PREX2: variants seen among roughly 807,000 people sequenced by gnomAD.
PREX2 encodes the protein phosphatidylinositol 3,4,5-trisphosphate-dependent Rac exchanger 2 protein.
PREX2 carries 107 observed loss-of-function variants against 203.2 expected under a neutral mutation model. That is an observed-to-expected ratio of 0.53 (90% confidence interval 0.45 to 0.62). PREX2 has a LOEUF of 0.62. PREX2 is among the 20% of genes least tolerant of loss of function. PREX2 has a pLI of 0.00. For missense variants in PREX2, 1,777 were observed against 1,955.9 expected (o/e 0.91, Z 1.72); for synonymous variants, 672 against 663.6 (o/e 1.01, Z -0.19).
chr8:68,155,193 TTAAAG>T (rs1370836567), intron 34 of PREX2, among the ~76,000 whole-genome samples: 4 of 151,996 alleles, frequency 2.6e-5, no homozygotes, highest in Admixed American at 2.0e-4. Context: ...AGCCTTTAAT[TTAAAG>T]TAATCAGTAT....
In PREX2 at chr8:68,234,256, G is replaced by A. The variant is rs926840045; in HGVS notation, c.*2878G>A. 2 of 152,094 alleles carry A rather than the reference G, an allele frequency of 1.3e-5. No homozygotes were observed. The highest frequency in any genetic ancestry group is 4.8e-5 in the African/African-American group (2 of 41,402). 9.4% of individuals were successfully genotyped at this position (152,094 alleles called of 1,614,324 possible). A position where few individuals can be genotyped will look rare whatever the true frequency, so the allele number is the denominator to read the frequency against. On this transcript the variant is annotated 3_prime_UTR_variant, in exon 40 of 40. Coordinates refer to ENST00000288368, the MANE Select transcript of PREX2 (RefSeq NM_024870.4). ...GGCATTAAATGGCCTTGAGGTTTTA[G>A]GATGTGTTTACCTTAATGCTACATG... is the stretch of plus-strand genomic sequence containing the variant.
intron 30 of PREX2, among the ~76,000 whole-genome samples, chr8:68,121,819 A>T (rs1373608825): frequency 6.6e-6 from 1 of 152,156 alleles, no homozygotes; most frequent in Non-Finnish European, 1.5e-5. Flanking sequence ...GAGGCCAGGG[A>T]TGCTGCTGAA....
rs765525171 is a variant in PREX2, at chr8:68,097,096, C to T, written c.2448C>T (p.His816=). The T allele has an allele frequency of 8.1e-6, 13 of 1,613,910 alleles. No homozygotes were observed. The South Asian group carries it at 1.2e-4, about 15-fold the overall frequency. The change falls in exon 22 of 40, where the codon CAC becomes CAT. Residue 816 remains histidine, a synonymous_variant. Transcript: ENST00000288368. ...TGAGTCTGACAGTGGACAATGTCCA[C>T]CTGGAATATGGTGTCGTGTATGAGT... ...EHVSLTVDNV[H]LEYGVVYEYD... is the part of the protein sequence containing the mutation.
intron 9 of PREX2, among the ~76,000 whole-genome samples, chr8:68,054,590 C>T (rs1330034939): frequency 6.6e-6 from 1 of 152,172 alleles, no homozygotes; most frequent in African/African-American, 2.4e-5. Flanking sequence ...TTCAACAGTT[C>T]GTCATCAGTC....
intron 37 of PREX2, among the ~76,000 whole-genome samples, chr8:68,196,478 CATATAT>C (rs533436022): frequency 6.9e-6 from 1 of 145,078 alleles, no homozygotes; most frequent in African/African-American, 2.5e-5. Flanking sequence ...TATATATGTA[CATATAT>C]ATATATGTAC....
chr8:68,213,654 G>T (rs1258280459), intron 37 of PREX2, among the ~76,000 whole-genome samples: 4 of 152,146 alleles, frequency 2.6e-5, no homozygotes, highest in African/African-American at 4.8e-5. Flanking sequence ...TGAGTGATTT[G>T]GGATCTATTC....
intron 23 of PREX2, among the ~76,000 whole-genome samples, chr8:68,107,906 T>C (rs1810450600): frequency 6.6e-6 from 1 of 152,226 alleles, no homozygotes; most frequent in African/African-American, 2.4e-5. Context: ...ATGCATTTGC[T>C]GCTTATATTG....
intron 26 of PREX2, among the ~76,000 whole-genome samples, chr8:68,118,121 C>T (rs948825345): frequency 6.6e-6 from 1 of 152,000 alleles, no homozygotes; most frequent in Non-Finnish European, 1.5e-5. Flanking sequence ...TTTGGGAGGC[C>T]GAGGTGGGCG....
intron 18 of PREX2, among the ~76,000 whole-genome samples, chr8:68,086,093 G>GCTAT (rs1563537249): frequency 6.6e-6 from 1 of 152,126 alleles, no homozygotes; most frequent in Non-Finnish European, 1.5e-5. Context: ...GTTATTCAAA[G>GCTAT]GAAATGAATA....
intron 35 of PREX2, among the ~76,000 whole-genome samples, chr8:68,173,919 A>G (rs1563574910): frequency 6.6e-6 from 1 of 152,228 alleles, no homozygotes; most frequent in Admixed American, 6.5e-5. Flanking sequence ...AAAAATAAGC[A>G]TACCCCAAAA....
chr8:68,149,632 G>A (rs757096635), intron 34 of PREX2, among the ~76,000 whole-genome samples: 4 of 152,168 alleles, frequency 2.6e-5, no homozygotes, highest in Non-Finnish European at 5.9e-5. Context: ...TTCTCTACAC[G>A]CTCCCCACTG....
intron 1 of PREX2, among the ~76,000 whole-genome samples, chr8:68,013,487 A>G (rs1460805686): frequency 3.3e-5 from 5 of 152,148 alleles, no homozygotes; most frequent in African/African-American, 9.7e-5. Flanking sequence ...CTCCCACCCC[A>G]AAACCTTCTT....
chr8:68,134,227 C>G lies in PREX2; in HGVS notation c.3935C>G (p.Ala1312Gly), dbSNP rs761455338. The change falls in exon 32 of 40, where the codon GCG (alanine) becomes GGG (glycine). Residue 1312 changes from alanine to glycine, a missense_variant. Coordinates refer to ENST00000288368, the MANE Select transcript of PREX2 (RefSeq NM_024870.4). ...AGCAGGAGGTGGCTGGACCAGATAGCGAATGCAGGTGTTCTTTTTCACTTT... is the reference window on the plus strand; with the variant it reads ...AGCAGGAGGTGGCTGGACCAGATAGGGAATGCAGGTGTTCTTTTTCACTTT... ...EASRRWLDQI[A>G]NAGVLFHFQS... 2 of 1,613,978 alleles carry G rather than the reference C, an allele frequency of 1.2e-6. No individual in the cohort carries two copies. Among genetic ancestry groups the G allele is most frequent in the Admixed American group, 1.7e-5 (1 of 59,992 alleles).
At chr8:68,202,253 A>G (rs10099916) in intron 37 of PREX2, among the ~76,000 whole-genome samples, 4,274 of 152,142 alleles carry the variant, frequency 0.028, 211 homozygotes, top group African/African-American at 0.098. Flanking sequence ...ATGAAAGTGG[A>G]GAAGTAATTA....
chr8:68,161,897 T>C (rs1274135972), intron 35 of PREX2, among the ~76,000 whole-genome samples: 2 of 152,146 alleles, frequency 1.3e-5, no homozygotes, highest in Non-Finnish European at 2.9e-5. Context: ...TTTAATTGAC[T>C]CACAGTTCCA....
chr8:68,085,119 C>G (rs1809642542), intron 18 of PREX2, among the ~76,000 whole-genome samples: 1 of 152,152 alleles, frequency 6.6e-6, no homozygotes, highest in South Asian at 2.1e-4. Flanking sequence ...ACTTCACGTC[C>G]TCATCCATAA....
At chr8:67,998,272 C>G (rs923278175) in intron 1 of PREX2, among the ~76,000 whole-genome samples, 1 of 152,188 alleles carries the variant, frequency 6.6e-6, no homozygotes, top group East Asian at 1.9e-4. Context: ...CTCTAAGCTC[C>G]TCTGCCTGGC....
At chr8:68,019,217 A>G (rs970370620) in intron 2 of PREX2, among the ~76,000 whole-genome samples, 3 of 152,222 alleles carry the variant, frequency 2.0e-5, no homozygotes, top group African/African-American at 7.2e-5. Context: ...CCGTTCTGGT[A>G]TGCCCTTCTT....
rs909516384 is a variant in PREX2 at position 68,236,198 on chromosome 8, A to G, written c.*4820A>G. 4 of 152,134 alleles carry G rather than the reference A, an allele frequency of 2.6e-5. No individual in the cohort carries two copies. The East Asian group carries it at 7.7e-4, about 29-fold the overall frequency. The allele number at this position is 152,134 out of a possible 1,614,324, so 9.4% of individuals were successfully genotyped here. A position where few individuals can be genotyped will look rare whatever the true frequency, so the allele number is the denominator to read the frequency against. On this transcript the variant is annotated 3_prime_UTR_variant, in exon 40 of 40. Transcript: ENST00000288368. ...GACACTACTTTGCTGTTCAATCTGG[A>G]ATCAACTGACCTGGCTCTGCCATTG...
Sources: gnomAD v4.1 joint callset for allele counts (sites outside exome capture counted in the v4.1 genomes callset) on GRCh38, gnomAD v4.1.1 for gene constraint, MANE v1.5 for transcripts, NCBI Gene and HGNC (gene_info 2026-07-23, HGNC 2026-07-21) for gene names.